The following PRH1 variants were observed in gnomAD, a reference collection of about 807,000 sequenced individuals.
PRH1 encodes salivary acidic proline-rich phosphoprotein 1/2.
Under a neutral mutation model 7.9 loss-of-function variants are expected in PRH1, and 7 were observed. The observed-to-expected ratio is 0.89, with a 90% CI of 0.50 to 1.67. The LOEUF is 1.67. PRH1 is among the 40% of genes most tolerant of loss of function. The pLI is 0.00. For synonymous variants in PRH1, 45 were observed against 80.8 expected, an observed-to-expected ratio of 0.56 and a Z score of 2.38; for missense variants, 109 against 223.6, an observed-to-expected ratio of 0.49 and a Z score of 3.27.
chr12:11,036,618 G>A (rs1368394340), intron 1 of PRH1, among the ~76,000 whole-genome samples: 2 of 152,202 alleles, frequency 1.3e-5, no homozygotes, highest in East Asian at 1.9e-4. Flanking sequence ...AGGATTCATT[G>A]AAGGTCATCC....
chr12:10,936,574 A>G lies in PRH1; in HGVS notation c.-59+37081T>C, dbSNP rs140933656. On this transcript the variant is annotated intron_variant, in intron 2 of 3. Coordinates refer to the PRH1 transcript ENST00000539853. ...TCCTGTGTTATTCCTCCAACTTACC[A>G]CTGCCCATTCTTTATCAAACCCCCA... Among the ~76,000 whole-genome samples the G allele has an allele frequency of 1.7e-3, 257 of 152,210 alleles. 2 individuals are homozygous for G. Among genetic ancestry groups the G allele is most frequent in the African/African-American group, 5.8e-3 (242 of 41,544 alleles).
At chr12:11,024,612 C>T (rs1226534905) in intron 1 of PRH1, among the ~76,000 whole-genome samples, 1 of 152,156 alleles carries the variant, frequency 6.6e-6, no homozygotes, top group Non-Finnish European at 1.5e-5. Context: ...ATTGCATGTA[C>T]ATGTGATCCA....
In PRH1 at chr12:11,150,480, C is replaced by T. The variant is rs1455121497; in HGVS notation, n.39+20942G>A. 7.2e-5 allele frequency among the ~76,000 whole-genome samples: 11 copies of T among 152,116 alleles called. No homozygotes were observed. In the East Asian group the frequency reaches 2.1e-3, roughly 29 times the overall value. On this transcript the variant is annotated intron_variant and non_coding_transcript_variant, in intron 1 of 1. Coordinates refer to the PRH1 transcript ENST00000541175. ...TGTGGCACATATACACCATGGAATACTAAGCAGCCATAAAAAATGATGAGT... is the reference window on the plus strand; with the variant it reads ...TGTGGCACATATACACCATGGAATATTAAGCAGCCATAAAAAATGATGAGT...
intron 2 of PRH1, chr12:10,909,504 T>C (rs1565465153): frequency 2.0e-6 from 1 of 488,688 alleles, no homozygotes; most frequent in African/African-American, 2.0e-5. Flanking sequence ...TATCTTTATT[T>C]TTCTTCAATT....
intron 1 of PRH1, among the ~76,000 whole-genome samples, chr12:11,071,637 T>A (rs73045578): frequency 1.3e-5 from 2 of 151,840 alleles, no homozygotes; most frequent in African/African-American, 4.8e-5. Flanking sequence ...GACTCAAAGT[T>A]TTTGTCATTT....
intron 1 of PRH1, among the ~76,000 whole-genome samples, chr12:11,067,062 G>C (rs1381324969): frequency 1.3e-5 from 2 of 151,282 alleles, no homozygotes; most frequent in Non-Finnish European, 3.0e-5. Context: ...ATTCTTGCAA[G>C]CCTTTTTCAC....
chr12:10,995,297 T>C (rs1160071688), intron 1 of PRH1, among the ~76,000 whole-genome samples: 1 of 150,712 alleles, frequency 6.6e-6, no homozygotes, highest in African/African-American at 2.4e-5. Flanking sequence ...ATCTCTACTT[T>C]TATGGTATTT....
chr12:11,139,776 A>C (rs2136390780), intron 1 of PRH1, among the ~76,000 whole-genome samples: 1 of 152,266 alleles, frequency 6.6e-6, no homozygotes, highest in South Asian at 2.1e-4. Context: ...TAAGAGTGTA[A>C]ATACTGGGTT....
intron 1 of PRH1, among the ~76,000 whole-genome samples, chr12:11,149,184 T>C (rs1473842370): frequency 7.2e-5 from 11 of 152,292 alleles, no homozygotes; most frequent in African/African-American, 2.6e-4. Context: ...TCTTTTTTTC[T>C]TTATTAGTCT....
At chr12:10,939,600 T>C (rs770828536) in intron 2 of PRH1, among the ~76,000 whole-genome samples, 4 of 150,844 alleles carry the variant, frequency 2.7e-5, no homozygotes, top group Admixed American at 6.6e-5. Flanking sequence ...TCTGTCAAAT[T>C]GAGTTCTGGG....
chr12:11,166,611 T>C (rs1037414539), intron 1 of PRH1, among the ~76,000 whole-genome samples: 5 of 152,202 alleles, frequency 3.3e-5, no homozygotes, highest in African/African-American at 1.2e-4. Context: ...AACAACCACC[T>C]TTTACTCATG....
intron 1 of PRH1, chr12:11,077,504 T>A (rs555306976): frequency 9.5e-7 from 1 of 1,051,750 alleles, no homozygotes; most frequent in South Asian, 1.4e-5. Context: ...CAGGTTAATG[T>A]GATTAGATAC....
intron 2 of PRH1, 73 bp downstream of exon 2, chr12:10,882,988 A>C (rs749721285): frequency 7.6e-5 from 118 of 1,551,462 alleles, no homozygotes; most frequent in South Asian, 3.3e-5. Flanking sequence ...GGTGATAAGA[A>C]GACACTGGAG....
intron 1 of PRH1, among the ~76,000 whole-genome samples, chr12:11,149,265 G>T (rs1383930098): frequency 1.3e-5 from 2 of 152,018 alleles, no homozygotes; most frequent in Middle Eastern, 3.2e-3. Context: ...TTTTTGAAAG[G>T]TTCTTTGTGT....
At chr12:11,168,272 GAAAGAAAGAAAGAAAGAAA>G (rs1947666033) in intron 1 of PRH1, among the ~76,000 whole-genome samples, 7 of 32,012 alleles carry the variant, frequency 2.2e-4, no homozygotes, top group African/African-American at 4.3e-4. Flanking sequence ...AAGAAAGAAA[GAAAGAAAGAAAGAAAGAAA>G]GAAAGAAAGA....
intron 2 of PRH1, among the ~76,000 whole-genome samples, chr12:10,944,258 A>G (rs1950449935): frequency 6.6e-6 from 1 of 151,964 alleles, no homozygotes; most frequent in Non-Finnish European, 1.5e-5. Flanking sequence ...CTTTTTGGGA[A>G]GTTTTTTTAT....
chr12:10,971,344 G>C (rs1938806731), intron 2 of PRH1, among the ~76,000 whole-genome samples: 1 of 145,024 alleles, frequency 6.9e-6, no homozygotes, highest in South Asian at 2.2e-4. Context: ...TTTCACTATG[G>C]ATAGATCCTC....
intron 1 of PRH1, among the ~76,000 whole-genome samples, chr12:10,973,962 T>C (rs922221125): frequency 2.0e-5 from 3 of 152,050 alleles, no homozygotes; most frequent in Non-Finnish European, 4.4e-5. Flanking sequence ...GAGAAATAAT[T>C]TAAAAAGAAC....
At chr12:10,997,390 T>A in intron 1 of PRH1, 1 of 1,614,154 alleles carries the variant, frequency 6.2e-7, no homozygotes, top group Non-Finnish European at 8.5e-7. Context: ...TCTTCCAAGT[T>A]ACGTTTCCTT....
Sources: gnomAD v4.1 joint callset for allele counts (sites outside exome capture counted in the v4.1 genomes callset) on GRCh38, gnomAD v4.1.1 for gene constraint, MANE v1.5 for transcripts, NCBI Gene and HGNC (gene_info 2026-07-23, HGNC 2026-07-21) for gene names.